The following GSE1 variants were observed in gnomAD, a reference collection of about 807,000 sequenced individuals.
GSE1 encodes Gse1 coiled-coil protein, also known as genetic suppressor element 1.
A neutral mutation model predicts 112.6 loss-of-function variants in GSE1; 32 were observed. The observed-to-expected ratio is 0.28, with a 90% CI of 0.21 to 0.38. GSE1 has a LOEUF of 0.38. Among genes scored for constraint, GSE1 ranks in the 10% least tolerant of loss-of-function variants. GSE1 has a pLI of 1.00. For synonymous variants in GSE1, 1,115 were observed against 735.6 expected (o/e 1.52, Z -8.35); for missense variants, 2,348 against 1,699.2 (o/e 1.38, Z -6.71).
intron 1 of GSE1, among the ~76,000 whole-genome samples, chr16:85,618,959 C>T (rs913607211): frequency 1.3e-5 from 2 of 152,348 alleles, no homozygotes; most frequent in African/African-American, 2.4e-5. Flanking sequence ...CCACTGTGTC[C>T]AGCTTGGCTT....
chr16:85,475,776 CTTTTTTTTTTTTTTTT>C (rs57562071), intron 2 of GSE1, among the ~76,000 whole-genome samples: 1 of 145,874 alleles, frequency 6.9e-6, no homozygotes, highest in African/African-American at 2.6e-5. Flanking sequence ...AATTGTTTTT[CTTTTTTTTTTTTTTTT>C]TTTTTTTTAA....
intron 1 of GSE1, among the ~76,000 whole-genome samples, chr16:85,632,711 C>T (rs967735885): frequency 6.6e-5 from 10 of 151,700 alleles, no homozygotes; most frequent in Non-Finnish European, 1.0e-4. Context: ...GTGCACAGTC[C>T]GCCCCTCTTG....
At chr16:85,450,365 G>C (rs971379814) in intron 2 of GSE1, among the ~76,000 whole-genome samples, 1 of 151,890 alleles carries the variant, frequency 6.6e-6, no homozygotes, top group Non-Finnish European at 1.5e-5. Flanking sequence ...TGATCTGCCC[G>C]CCTTGGCCTC....
chr16:85,334,084 C>T (rs2046432470), intron 1 of GSE1, among the ~76,000 whole-genome samples: 1 of 152,238 alleles, frequency 6.6e-6, no homozygotes. Flanking sequence ...CAGCCACTCC[C>T]CTGCTCCTGC....
intron 2 of GSE1, among the ~76,000 whole-genome samples, chr16:85,646,552 C>T (rs1263425773): frequency 3.9e-5 from 6 of 152,222 alleles, no homozygotes; most frequent in Admixed American, 1.3e-4. Context: ...TTGGCCTGTG[C>T]TGGACACCAG....
intron 1 of GSE1, among the ~76,000 whole-genome samples, chr16:85,173,554 C>T (rs2074400904): frequency 6.6e-6 from 1 of 152,218 alleles, no homozygotes; most frequent in African/African-American, 2.4e-5. Context: ...GTGCGAGGTG[C>T]TGGCTTGCAG....
intron 1 of GSE1, among the ~76,000 whole-genome samples, chr16:85,247,089 G>A (rs951636332): frequency 4.6e-5 from 7 of 152,050 alleles, no homozygotes; most frequent in Non-Finnish European, 7.4e-5. Flanking sequence ...TTGCTGTCCC[G>A]GAAGCTTTCC....
intron 1 of GSE1, among the ~76,000 whole-genome samples, chr16:85,211,299 GTT>G (rs1048513670): frequency 1.8e-4 from 26 of 144,140 alleles, no homozygotes; most frequent in Non-Finnish European, 3.1e-4. Context: ...CAGGCTTGTG[GTT>G]TTTTTTTTTT....
At chr16:85,608,746 C>G (rs887053632), upstream of GSE1, among the ~76,000 whole-genome samples, 6 of 152,346 alleles carry the variant, frequency 3.9e-5, 2 homozygotes, top group African/African-American at 1.4e-4. Context: ...CAGTGACATG[C>G]GCTGAGCAGC....
At chr16:85,194,404 A>G (rs1000448829) in intron 1 of GSE1, among the ~76,000 whole-genome samples, 3 of 152,206 alleles carry the variant, frequency 2.0e-5, no homozygotes, top group Non-Finnish European at 4.4e-5. Flanking sequence ...AGATGTGCAC[A>G]AGGCAGTAAC....
At chr16:85,294,868 T>C (rs79526293) in intron 1 of GSE1, among the ~76,000 whole-genome samples, 4,460 of 152,104 alleles carry the variant, frequency 0.029, 108 homozygotes, top group Non-Finnish European at 0.043. Context: ...AAGTGTACAG[T>C]TTAGTGACAT....
chr16:85,674,997 A>G lies in GSE1; in HGVS notation c.*2458A>G, dbSNP rs949081738. On this transcript the variant is annotated 3_prime_UTR_variant, in exon 16 of 16. Transcript: ENST00000253458. ...TAAGAAAAAGGTAAGAACTGTCTCAAAAACGAAAGCACACCACCCAAGACA... is the reference window on the plus strand; with the variant it reads ...TAAGAAAAAGGTAAGAACTGTCTCAGAAACGAAAGCACACCACCCAAGACA... 2.0e-5 allele frequency: 3 copies of G among 152,632 alleles called. No individual in the cohort carries two copies. The highest frequency in any genetic ancestry group is 1.3e-4 in the Admixed American group (2 of 15,284). 9.5% of individuals were successfully genotyped at this position (152,632 alleles called of 1,614,324 possible).
At chr16:85,188,314 A>G (rs1426141370) in intron 1 of GSE1, among the ~76,000 whole-genome samples, 3 of 152,240 alleles carry the variant, frequency 2.0e-5, no homozygotes, top group Non-Finnish European at 4.4e-5. Context: ...TGGGAATTAC[A>G]GTAGAGTGTG....
chr16:85,457,014 G>C (rs961476896), intron 2 of GSE1, among the ~76,000 whole-genome samples: 1 of 152,152 alleles, frequency 6.6e-6, no homozygotes, highest in Non-Finnish European at 1.5e-5. Flanking sequence ...CTTTCTGGGG[G>C]CTCGAAAGAA....
intron 2 of GSE1, among the ~76,000 whole-genome samples, chr16:85,461,904 C>CT (rs2049979703): frequency 6.6e-6 from 1 of 152,214 alleles, no homozygotes; most frequent in East Asian, 1.9e-4. Flanking sequence ...CCCTGCCCCT[C>CT]CTTCCTGCTC....
intron 1 of GSE1, among the ~76,000 whole-genome samples, chr16:85,251,721 T>C (rs991292154): frequency 3.3e-5 from 5 of 152,248 alleles, no homozygotes; most frequent in Non-Finnish European, 7.3e-5. Context: ...CCCGCTTTTC[T>C]AAACGCAAGC....
At chr16:85,413,347 G>T (rs2048627710) in intron 2 of GSE1, among the ~76,000 whole-genome samples, 2 of 152,190 alleles carry the variant, frequency 1.3e-5, no homozygotes, top group South Asian at 2.1e-4. Flanking sequence ...GGGCCATGGA[G>T]GGAGGGTCCA....
intron 1 of GSE1, among the ~76,000 whole-genome samples, chr16:85,349,122 A>C (rs2046802321): frequency 6.6e-6 from 1 of 152,168 alleles, no homozygotes; most frequent in African/African-American, 2.4e-5. Context: ...TTCCATATCT[A>C]ATAACTTTCC....
At chr16:85,413,395 C>T (rs2048629073) in intron 2 of GSE1, among the ~76,000 whole-genome samples, 1 of 152,090 alleles carries the variant, frequency 6.6e-6, no homozygotes, top group African/African-American at 2.4e-5. Flanking sequence ...AGATTGATGT[C>T]ACCATCTTCC....
Sources: gnomAD v4.1 joint callset for allele counts (sites outside exome capture counted in the v4.1 genomes callset) on GRCh38, gnomAD v4.1.1 for gene constraint, MANE v1.5 for transcripts, NCBI Gene and HGNC (gene_info 2026-07-23, HGNC 2026-07-21) for gene names.